The following SLX4 variants were observed in gnomAD, a reference collection of about 807,000 sequenced individuals.
The protein encoded by SLX4 is SLX4 structure-specific endonuclease subunit.
SLX4 carries 112 observed loss-of-function variants against 146.2 expected under a neutral mutation model. The observed-to-expected ratio is 0.77, with a 90% CI of 0.66 to 0.90. The LOEUF (loss-of-function observed/expected upper bound fraction) is 0.90. SLX4 is among the 40% of genes least tolerant of loss of function. The pLI is 0.00. For missense variants in SLX4, 2,563 were observed against 2,392.7 expected (o/e 1.07, Z -1.49); for synonymous variants, 1,061 against 997.7 (o/e 1.06, Z -1.20).
In SLX4 at chr16:3,597,544, G is replaced by C. The variant is rs1407144664; in HGVS notation, c.1518C>G (p.Ser506Arg). 1.2e-6 allele frequency: 2 copies of C among 1,614,032 alleles called. No homozygotes were observed. Among genetic ancestry groups the C allele is most frequent in the African/African-American group, 2.7e-5 (2 of 74,912 alleles). Residue 506 changes from serine (S) to arginine (R), a missense_variant, in exon 7 of 15, where the codon AGC (serine) becomes AGG (arginine). Transcript: ENST00000294008. The surrounding 1 kb of genome is among the most constrained non-coding windows in gnomAD (Gnocchi z 4.4). The part of the protein sequence containing the change: ...ELSSTPPLPA[S>R]RILKEGWERA... ...TTTCCCACCCTTCCTTTAAAATCCT[G>C]CTGGCAGGAAGTGGTGGCGTGCTAG... is the stretch of plus-strand genomic sequence containing the variant.
Position 3,602,200 on chromosome 16 carries a change from C to T in SLX4, c.868G>A (p.Glu290Lys). Reference protein sequence around the residue: ...GASAHDDSLEEKGLFFCQICQ... With the variant: ...GASAHDDSLEKKGLFFCQICQ... ...ATCTGGCAGAAGAACAAACCCTTTT[C>T]CTCCAGGCTATCATCATGTGCCGAT... Residue 290 changes from glutamate (E) to lysine (K), a missense_variant, in exon 4 of 15, where the codon GAA becomes AAA. Glu to Lys is a moderately conservative substitution (Grantham distance 56, BLOSUM62 1). Coordinates refer to ENST00000294008, the MANE Select transcript of SLX4 (RefSeq NM_032444.4). 3 of 1,614,192 alleles carry T rather than the reference C, an allele frequency of 1.9e-6. No homozygotes were observed. The highest frequency in any genetic ancestry group is 2.5e-6 in the Non-Finnish European group (3 of 1,180,030).
At position 3,608,953 on chromosome 16, in the gene SLX4, A is replaced by G; in HGVS notation, c.12T>C (p.Ser4=). The change falls in exon 2 of 15, where the codon AGT becomes AGC. Residue 4 remains serine (S), a synonymous_variant. Coordinates refer to ENST00000294008, the MANE Select transcript of SLX4 (RefSeq NM_032444.4). MKL[S]VNEAQLGFYL... ...AGAAGCCTAGCTGAGCCTCATTCAC[A>G]CTCAGTTTCATTAGGGTTCTTCTCT... 6.2e-7 allele frequency: 1 copy of G among 1,613,310 alleles called. No homozygotes were observed. Among genetic ancestry groups the G allele is most frequent in the South Asian group, 1.1e-5 (1 of 91,056 alleles).
chr16:3,583,336 C>T lies in SLX4; in HGVS notation c.4914G>A (p.Arg1638=), dbSNP rs2040464937. 2 of 1,613,854 alleles carry T rather than the reference C, an allele frequency of 1.2e-6. No homozygotes were observed. Among genetic ancestry groups the T allele is most frequent in the South Asian group, 1.1e-5 (1 of 91,076 alleles). The change falls in exon 14 of 15, where the codon AGG becomes AGA. Residue 1638 remains arginine (R), a synonymous_variant. Transcript: ENST00000294008. ...CCTCCTGCTGGGCATGGACCCCTGC[C>T]CTTGAAGGCTTGTAGGTCTGGGAGG... The part of the protein sequence containing the change: ...TLASQTYKPS[R]AGVHAQQEAT...
At chr16:3,602,529 C>T (rs1017587595) in intron 3 of SLX4, among the ~76,000 whole-genome samples, 7 of 152,218 alleles carry the variant, frequency 4.6e-5, no homozygotes, top group Non-Finnish European at 1.0e-4. Context: ...CATGGATATG[C>T]ATTACCTGGG....
Position 3,594,573 on chromosome 16 carries a change from G to A in SLX4, c.2040C>T (p.Asp680=), listed in dbSNP as rs2040630173. The A allele has an allele frequency of 6.2e-7, 1 of 1,613,964 alleles. No homozygotes were observed. The highest frequency in any genetic ancestry group is 1.3e-5 in the African/African-American group (1 of 74,912). The change falls in exon 10 of 15, where the codon GAC becomes GAT. Residue 680 remains aspartate, a synonymous_variant. Coordinates refer to ENST00000294008, the MANE Select transcript of SLX4 (RefSeq NM_032444.4). Reference sequence around the variant, plus strand: ...GTGGGTTATTGACCATGGCGCCAAAGTCAGCAACCAGCAGCCCGAGGGAGA... The same window carrying A: ...GTGGGTTATTGACCATGGCGCCAAAATCAGCAACCAGCAGCCCGAGGGAGA... ...TLLSLGLLVA[D]FGAMVNNPHL...
At position 3,582,103 on chromosome 16, in the gene SLX4, G is replaced by C. The variant is rs2040442495; in HGVS notation, c.*239C>G. On this transcript the variant is annotated 3_prime_UTR_variant, in exon 15 of 15. Coordinates refer to ENST00000294008, the MANE Select transcript of SLX4 (RefSeq NM_032444.4). Reference sequence around the variant, plus strand: ...CACTGTGAGCACGGACAGAGGAAGGGGCTGGAGTCTGTAAATCCAGTGGGT... The same window carrying C: ...CACTGTGAGCACGGACAGAGGAAGGCGCTGGAGTCTGTAAATCCAGTGGGT... 1.7e-6 allele frequency: 1 copy of C among 593,032 alleles called. No homozygotes were observed. The highest frequency in any genetic ancestry group is 1.9e-5 in the African/African-American group (1 of 53,772). The allele number at this position is 593,032 out of a possible 1,614,324, so 36.7% of individuals were successfully genotyped here.
At chr16:3,595,480 C>G in intron 9 of SLX4, 125 bp downstream of exon 9, 1 of 1,040,390 alleles carries the variant, frequency 9.6e-7, no homozygotes, top group East Asian at 2.5e-5. Flanking sequence ...TTCTGGAAAG[C>G]AGAGGCCTTG....
At position 3,582,359 on chromosome 16, in the gene SLX4, T is replaced by G. The variant is rs1278477466; in HGVS notation, c.5488A>C (p.Lys1830Gln). Residue 1830 changes from lysine to glutamine, a missense_variant, in exon 15 of 15, where the codon AAG becomes CAG. By Grantham distance (53) the Lys-to-Gln change is moderately conservative (BLOSUM62 1). Coordinates refer to ENST00000294008, the MANE Select transcript of SLX4 (RefSeq NM_032444.4). ...TGGCCCCATCAGTTCCGCTCCACCT[T>G]CTTCTTGCCCCGAGGCTGCCGCCTC... ...GRRRQPRGKK[K>Q]VERN is the part of the protein sequence containing the mutation. The G allele has an allele frequency of 1.2e-6, 2 of 1,612,454 alleles. No individual in the cohort carries two copies. The highest frequency in any genetic ancestry group is 2.2e-5 in the South Asian group (2 of 91,048).
chr16:3,590,575 G>A lies in SLX4; in HGVS notation c.3063C>T (p.Arg1021=), dbSNP rs772845665. The change falls in exon 12 of 15, where the codon CGC becomes CGT. Residue 1021 remains arginine, a synonymous_variant. Coordinates refer to ENST00000294008, the MANE Select transcript of SLX4 (RefSeq NM_032444.4). This position sits in a 1 kb window ranked among gnomAD's most constrained non-coding sequence, Gnocchi z 4.8. The part of the protein sequence containing the change: ...VRERGLEVSH[R]LAPWQASPPH... ...GTGGAGATGCCTGCCAGGGAGCCAG[G>A]CGATGAGAAACCTCCAGCCCCCTTT... is the stretch of plus-strand genomic sequence containing the variant. The A allele has an allele frequency of 6.2e-7, 1 of 1,612,930 alleles. No homozygotes were observed. The highest frequency in any genetic ancestry group is 1.7e-5 in the Admixed American group (1 of 60,016).
intron 3 of SLX4, among the ~76,000 whole-genome samples, chr16:3,605,172 C>A (rs1429549744): frequency 2.6e-5 from 4 of 152,026 alleles, no homozygotes; most frequent in Non-Finnish European, 5.9e-5. Context: ...TCACTGCAAG[C>A]TCTGTCTCCC....
chr16:3,585,526 C>A (rs957166394), intron 12 of SLX4, among the ~76,000 whole-genome samples: 5 of 142,910 alleles, frequency 3.5e-5, no homozygotes, highest in African/African-American at 1.3e-4. Context: ...GCGGAGCTTG[C>A]AGTGAGCCGA....
At chr16:3,584,011 A>G (rs1287632306) in intron 13 of SLX4, among the ~76,000 whole-genome samples, 1 of 151,862 alleles carries the variant, frequency 6.6e-6, no homozygotes, top group East Asian at 1.9e-4. Context: ...AAAATAAAAA[A>G]TAAACAAAAG....
rs376447111 is a variant in SLX4 at position 3,604,133 on chromosome 16, G to A, written c.761-1826C>T. ...TGTAATCCCAGCTACTCAGGAGGCC[G>A]AGGCACGAGAATAGCTTGAACCTGG... On this transcript the variant is annotated intron_variant, in intron 3 of 14. Coordinates refer to ENST00000294008, the MANE Select transcript of SLX4 (RefSeq NM_032444.4). 7.9e-5 allele frequency among the ~76,000 whole-genome samples: 12 copies of A among 151,492 alleles called. No individual in the cohort carries two copies. In the East Asian group the frequency reaches 1.4e-3, roughly 17 times the overall value.
intron 4 of SLX4, 139 bp from the exon 5 acceptor site, chr16:3,601,330 C>T (rs1223789532): frequency 4.8e-6 from 4 of 828,048 alleles, no homozygotes; most frequent in South Asian, 4.3e-5. Context: ...AGCCTGGCTC[C>T]GTCTCCCGGC....
Position 3,605,946 on chromosome 16 carries a change from CAAAAAAAAAAAA to C in SLX4, c.760+516_760+527del, listed in dbSNP as rs1181232820. On this transcript the variant is annotated intron_variant, in intron 3 of 14. Transcript: ENST00000294008. Reference sequence around the variant, plus strand: ...TGGGTGACGGAGCGAGACTCCATCTCAAAAAAAAAAAAAAAAAAAAAAAAGGAAGAGGGCCAG... The same window carrying C: ...TGGGTGACGGAGCGAGACTCCATCTCAAAAAAAAAAAAGGAAGAGGGCCAG... Among the ~76,000 whole-genome samples the C allele has an allele frequency of 3.7e-4, 10 of 27,018 alleles. No individual in the cohort carries two copies. The East Asian group carries it at 3.9e-3, about 10-fold the overall frequency. The allele number at this position is 27,018 out of a possible 152,430, so 17.7% of individuals were successfully genotyped here. A position where few individuals can be genotyped will look rare whatever the true frequency, so the allele number is the denominator to read the frequency against.
In SLX4 at chr16:3,597,074, G is replaced by C. The variant is rs2040668899; in HGVS notation, c.1683+305C>G. ...CTGACCTCGTGATCCGCCCACCTCA[G>C]CCTCCCAAAGTGCAGGGATTACGGG... On this transcript the variant is annotated intron_variant, in intron 7 of 14. Coordinates refer to ENST00000294008, the MANE Select transcript of SLX4 (RefSeq NM_032444.4). The surrounding 1 kb of genome is among the most constrained non-coding windows in gnomAD (Gnocchi z 4.4). 6.6e-6 allele frequency among the ~76,000 whole-genome samples: 1 copy of C among 152,140 alleles called. No homozygotes were observed. The highest frequency in any genetic ancestry group is 2.4e-5 in the African/African-American group (1 of 41,440).
At position 3,601,497 on chromosome 16, in the gene SLX4, C is replaced by T. The variant is rs1446373637; in HGVS notation, c.951-306G>A. 9 of 431,894 alleles carry T rather than the reference C, an allele frequency of 2.1e-5. No individual in the cohort carries two copies. The East Asian group carries it at 3.9e-4, about 19-fold the overall frequency. 26.8% of individuals were successfully genotyped at this position (431,894 alleles called of 1,614,324 possible). The stretch of plus-strand genomic sequence containing the variant: ...CAGGTACCCAAACAAATACATGAAA[C>T]CCATGTTCACGGCAGCTCTATCCAC... On this transcript the variant is annotated intron_variant, in intron 4 of 14. Transcript: ENST00000294008.
chr16:3,602,149 T>C lies in SLX4; in HGVS notation c.919A>G (p.Asn307Asp). The change falls in exon 4 of 15, where the codon AAC becomes GAC. Residue 307 changes from asparagine (N) to aspartate (D), a missense_variant. Physicochemically the swap from Asn to Asp is conservative, Grantham distance 23. Transcript: ENST00000294008. Reference protein sequence around the residue: ...QICQKNLSAMNVTRREQHVNR... With the variant: ...QICQKNLSAMDVTRREQHVNR... ...ACATGCTGTTCCCTTCGGGTCACGT[T>C]CATGGCTGAGAGGTTCTTTTGACAA... 1 of 1,614,116 alleles carries C rather than the reference T, an allele frequency of 6.2e-7. No homozygotes were observed. The highest frequency in any genetic ancestry group is 8.5e-7 in the Non-Finnish European group (1 of 1,180,004).
intron 4 of SLX4, chr16:3,601,564 C>A (rs368205926): frequency 3.7e-5 from 13 of 349,760 alleles, no homozygotes; most frequent in African/African-American, 8.5e-5. Context: ...CGCCAATGGA[C>A]GAAAGGATAA....
Sources: gnomAD v4.1 joint callset for allele counts (sites outside exome capture counted in the v4.1 genomes callset) on GRCh38, gnomAD v4.1.1 for gene constraint, Gnocchi (gnomAD v3.1) non-coding constraint, MANE v1.5 for transcripts, NCBI Gene and HGNC (gene_info 2026-07-23, HGNC 2026-07-21) for gene names.